The following PCDHA9 variants were observed in gnomAD, a reference collection of about 807,000 sequenced individuals.
PCDHA9 encodes the protein protocadherin alpha-9.
PCDHA9 carries 62 observed loss-of-function variants against 62.0 expected under a neutral mutation model. That is an observed-to-expected ratio of 1.00 (90% CI 0.81 to 1.23). The LOEUF is 1.23. Ranked by LOEUF, PCDHA9 falls within the 50% of genes most tolerant of loss-of-function variation. PCDHA9 has a pLI of 0.00. For synonymous variants in PCDHA9, 557 were observed against 567.6 expected (o/e 0.98, Z 0.27); for missense variants, 1,205 against 1,249.8 (o/e 0.96, Z 0.54).
intron 1 of PCDHA9, among the ~76,000 whole-genome samples, chr5:140,889,237 A>C (rs1181963973): frequency 6.6e-6 from 1 of 151,844 alleles, no homozygotes; most frequent in Non-Finnish European, 1.5e-5. Context: ...AACTTCCAGA[A>C]AATTTTCTGT....
At chr5:141,003,095 T>C (rs1245011518) in intron 3 of PCDHA9, among the ~76,000 whole-genome samples, 3 of 152,258 alleles carry the variant, frequency 2.0e-5, no homozygotes, top group African/African-American at 7.2e-5. Flanking sequence ...AGGCCTGGCA[T>C]TTGCTTCACA....
chr5:140,863,406 G>T, intron 1 of PCDHA9: 1 of 800,564 alleles, frequency 1.2e-6, no homozygotes, highest in South Asian at 1.3e-5. Flanking sequence ...GCAAGCCCAC[G>T]CTGGTGTACC....
In PCDHA9 at chr5:140,870,098, A is replaced by G. The variant is rs181372298; in HGVS notation, c.2394+19209A>G. 3.1e-6 allele frequency: 5 copies of G among 1,613,860 alleles called. No individual in the cohort carries two copies. The East Asian group carries it at 1.1e-4, about 36-fold the overall frequency. On this transcript the variant is annotated intron_variant, in intron 1 of 3. Transcript: ENST00000532602. ...AAGGGGACTCCCCCAATGGCAGGTC[A>G]CTGTACAGTCTGGGTGGAAATCTTG... is the stretch of plus-strand genomic sequence containing the variant.
At chr5:140,877,745 T>C (rs1554170071) in intron 1 of PCDHA9, 3 of 1,614,108 alleles carry the variant, frequency 1.9e-6, no homozygotes, top group Non-Finnish European at 2.5e-6. Context: ...AGGCAGAGGG[T>C]GTGCTCTGCA....
chr5:140,864,851 A>G (rs1554159167), intron 1 of PCDHA9: 1 of 152,190 alleles, frequency 6.6e-6, no homozygotes, highest in Non-Finnish European at 1.5e-5. Context: ...CTTCCCATAC[A>G]TGATGAAGGG....
chr5:140,886,251 T>A (rs189086759), intron 1 of PCDHA9, among the ~76,000 whole-genome samples: 397 of 152,156 alleles, frequency 2.6e-3, no homozygotes, highest in Non-Finnish European at 4.1e-3. Flanking sequence ...AATAAAAGTA[T>A]CTCTATTTAT....
Position 140,849,126 on chromosome 5 carries a change from T to C in PCDHA9, c.631T>C (p.Leu211=). The C allele has an allele frequency of 7.2e-7, 1 of 1,386,260 alleles. No individual in the cohort carries two copies. Among genetic ancestry groups the C allele is most frequent in the East Asian group, 2.4e-5 (1 of 41,482 alleles). 85.9% of individuals were successfully genotyped at this position (1,386,260 alleles called of 1,614,324 possible). Residue 211 remains leucine (L), a synonymous_variant, in exon 1 of 4, where the codon TTG becomes CTG. Coordinates refer to ENST00000532602, the MANE Select transcript of PCDHA9 (RefSeq NM_031857.2). Reference sequence around the variant, plus strand: ...AGAAGAAACTCCGGAGCTTCATTTATTGCTCACGGCCACCGATGGAGGCAA... The same window carrying C: ...AGAAGAAACTCCGGAGCTTCATTTACTGCTCACGGCCACCGATGGAGGCAA... ...DREETPELHL[L]LTATDGGKPE...
At position 140,849,588 on chromosome 5, in the gene PCDHA9, C is replaced by G. The variant is rs2150441639; in HGVS notation, c.1093C>G (p.Leu365Val). ...LSVPVKEDAQ[L>V]GTVIALISVI... is the part of the protein sequence containing the mutation. ...GGTTCCTGTAAAAGAGGACGCACAA[C>G]TGGGGACAGTTATTGCCCTGATTAG... The change falls in exon 1 of 4, where the codon CTG becomes GTG. Residue 365 changes from leucine (L) to valine (V), a missense_variant. Coordinates refer to ENST00000532602, the MANE Select transcript of PCDHA9 (RefSeq NM_031857.2). 8 of 1,598,790 alleles carry G rather than the reference C, an allele frequency of 5.0e-6. 1 individual carries two copies. Among genetic ancestry groups the G allele is most frequent in the East Asian group, 4.5e-5 (2 of 44,856 alleles).
intron 1 of PCDHA9, chr5:140,869,685 T>G: frequency 6.2e-7 from 1 of 1,613,500 alleles, no homozygotes; most frequent in Non-Finnish European, 8.5e-7. Flanking sequence ...GACTGTCACT[T>G]ATTTTAAAGA....
chr5:141,005,335 G>A, intron 3 of PCDHA9, among the ~76,000 whole-genome samples: 1 of 152,148 alleles, frequency 6.6e-6, no homozygotes, highest in Middle Eastern at 3.2e-3. Context: ...ATAGGCCAAG[G>A]GGGTGCTGCT....
chr5:140,849,536 T>C lies in PCDHA9; in HGVS notation c.1041T>C (p.Ala347=), dbSNP rs2150439955. The change falls in exon 1 of 4, where the codon GCT becomes GCC. Residue 347 remains alanine, a synonymous_variant. Transcript: ENST00000532602. ...AAGTTGTGGATGTAAATGACAATGC[T>C]CCACAGTTGACTATCAAAACGCTCT... ...LVEVVDVNDN[A]PQLTIKTLSV... The C allele has an allele frequency of 1.9e-6, 3 of 1,597,980 alleles. 1 individual carries two copies. Among genetic ancestry groups the C allele is most frequent in the Non-Finnish European group, 2.6e-6 (3 of 1,167,716 alleles).
intron 1 of PCDHA9, chr5:140,877,731 G>A (rs2153355415): frequency 1.2e-6 from 2 of 1,614,176 alleles, no homozygotes; most frequent in Non-Finnish European, 1.7e-6. Context: ...ACTCGCAGCA[G>A]AGGAGGCAGA....
intron 1 of PCDHA9, chr5:140,876,444 T>A (rs1554168564): frequency 6.2e-7 from 1 of 1,613,996 alleles, no homozygotes; most frequent in Non-Finnish European, 8.5e-7. Context: ...ACGCCATTGA[T>A]AAAGGGATTC....
chr5:140,947,083 A>T (rs1268359945), intron 1 of PCDHA9, among the ~76,000 whole-genome samples: 1 of 151,728 alleles, frequency 6.6e-6, no homozygotes, highest in African/African-American at 2.4e-5. Context: ...TTGAAACATC[A>T]GACTGTAGCC....
At chr5:140,855,023 G>T (rs115040572) in intron 1 of PCDHA9, among the ~76,000 whole-genome samples, 1 of 149,492 alleles carries the variant, frequency 6.7e-6, no homozygotes, top group African/African-American at 2.4e-5. Context: ...GAAACTTCTT[G>T]TATAAAGGAT....
At chr5:140,856,264 C>G in intron 1 of PCDHA9, 2 of 1,598,114 alleles carry the variant, frequency 1.3e-6, no homozygotes, top group Non-Finnish European at 1.7e-6. Flanking sequence ...GACACGGGGA[C>G]CTTCTGGAGG....
In PCDHA9 at chr5:140,863,566, A is replaced by G. The variant is rs1390955253; in HGVS notation, c.2394+12677A>G. The G allele has an allele frequency of 2.9e-5, 11 of 373,988 alleles. No individual in the cohort carries two copies. In the East Asian group the frequency reaches 4.0e-4, roughly 13 times the overall value. The allele number at this position is 373,988 out of a possible 1,614,324, so 23.2% of individuals were successfully genotyped here. A position where few individuals can be genotyped will look rare whatever the true frequency, so the allele number is the denominator to read the frequency against. On this transcript the variant is annotated intron_variant, in intron 1 of 3. Transcript: ENST00000532602. Reference sequence around the variant, plus strand: ...ACTTCAATAGGAAATTTTTGAGAATATAAGTACTGTAATCCTGGAAAGTAT... The same window carrying G: ...ACTTCAATAGGAAATTTTTGAGAATGTAAGTACTGTAATCCTGGAAAGTAT...
intron 1 of PCDHA9, among the ~76,000 whole-genome samples, chr5:140,918,149 A>G (rs2078550151): frequency 1.3e-5 from 2 of 151,946 alleles, no homozygotes; most frequent in African/African-American, 4.8e-5. Flanking sequence ...CTTTTTGTGT[A>G]TGTCTATTGT....
In PCDHA9 at chr5:141,010,994, G is replaced by A. The variant is rs1338532762; in HGVS notation, c.*1057G>A. ...TTTAAGAGAATTGCCTGAAACATCTGTATTATATCGGCCACCTGCCAATCA... is the reference window on the plus strand; with the variant it reads ...TTTAAGAGAATTGCCTGAAACATCTATATTATATCGGCCACCTGCCAATCA... On this transcript the variant is annotated 3_prime_UTR_variant, in exon 4 of 4. Transcript: ENST00000532602. The A allele has an allele frequency of 6.5e-6, 1 of 153,710 alleles. No homozygotes were observed. The highest frequency in any genetic ancestry group is 1.5e-5 in the Non-Finnish European group (1 of 68,046). The allele number at this position is 153,710 out of a possible 1,614,324, so 9.5% of individuals were successfully genotyped here.
Sources: gnomAD v4.1 joint callset for allele counts (sites outside exome capture counted in the v4.1 genomes callset) on GRCh38, gnomAD v4.1.1 for gene constraint, MANE v1.5 for transcripts, NCBI Gene and HGNC (gene_info 2026-07-23, HGNC 2026-07-21) for gene names.